ATP8A1: variants seen among roughly 807,000 people sequenced by gnomAD.
The protein encoded by ATP8A1 is phospholipid-transporting ATPase IA.
Under a neutral mutation model 177.7 loss-of-function variants are expected in ATP8A1, and 90 were observed. The ratio of observed to expected loss-of-function variants is 0.51; its 90% CI spans 0.43 to 0.60. ATP8A1 has a LOEUF of 0.60. ATP8A1 is among the 20% of genes least tolerant of loss of function. ATP8A1 has a pLI of 0.00. For synonymous variants in ATP8A1, 493 were observed against 485.9 expected, an observed-to-expected ratio of 1.01 and a Z score of -0.19; for missense variants, 1,072 against 1,392.8, an observed-to-expected ratio of 0.77 and a Z score of 3.67.
intron 30 of ATP8A1, among the ~76,000 whole-genome samples, chr4:42,450,979 C>CG (rs1717870631): frequency 6.6e-6 from 1 of 152,078 alleles, no homozygotes; most frequent in Non-Finnish European, 1.5e-5. Flanking sequence ...ACAGGATGAT[C>CG]GGGGAAGGCT....
At chr4:42,419,806 A>C (rs2153166932) in intron 35 of ATP8A1, among the ~76,000 whole-genome samples, 1 of 152,270 alleles carries the variant, frequency 6.6e-6, no homozygotes, top group Admixed American at 6.5e-5. Flanking sequence ...GTTCGAGACC[A>C]GTCTGGCCAA....
At chr4:42,569,399 G>T (rs1365837126) in intron 14 of ATP8A1, among the ~76,000 whole-genome samples, 194 bp from the exon 15 acceptor site, 1 of 152,152 alleles carries the variant, frequency 6.6e-6, no homozygotes, top group Admixed American at 6.6e-5. Context: ...AGCTCAGCAG[G>T]TTTACAAAGT....
At chr4:42,650,591 C>G (rs1004300691) in intron 1 of ATP8A1, among the ~76,000 whole-genome samples, 1 of 152,192 alleles carries the variant, frequency 6.6e-6, no homozygotes, top group African/African-American at 2.4e-5. Flanking sequence ...ATAAAACATA[C>G]TATTCTACAT....
chr4:42,540,936 C>CT (rs949350854), intron 20 of ATP8A1, among the ~76,000 whole-genome samples: 51 of 152,176 alleles, frequency 3.4e-4, no homozygotes, highest in African/African-American at 1.2e-3. Context: ...GATGGACACT[C>CT]TAAGTATCCT....
At chr4:42,461,386 A>G (rs1342312951) in intron 27 of ATP8A1, among the ~76,000 whole-genome samples, 1 of 151,820 alleles carries the variant, frequency 6.6e-6, no homozygotes, top group East Asian at 1.9e-4. Context: ...GAGGTAATTG[A>G]GTCATGGGGC....
At chr4:42,570,008 G>T (rs1292276163) in intron 14 of ATP8A1, among the ~76,000 whole-genome samples, 2 of 152,008 alleles carry the variant, frequency 1.3e-5, no homozygotes, top group Admixed American at 1.3e-4. Flanking sequence ...TATTAGACAT[G>T]GAGTTTTAAA....
intron 1 of ATP8A1, among the ~76,000 whole-genome samples, chr4:42,642,198 C>G (rs1335962747): frequency 6.6e-6 from 1 of 152,194 alleles, no homozygotes; most frequent in Non-Finnish European, 1.5e-5. Flanking sequence ...GTTGATAACA[C>G]AATGCCACAA....
At chr4:42,438,035 G>A (rs1012676612) in intron 33 of ATP8A1, among the ~76,000 whole-genome samples, 1 of 148,768 alleles carries the variant, frequency 6.7e-6, no homozygotes, top group Non-Finnish European at 1.5e-5. Context: ...TAAGTACTTC[G>A]ATGGGTGGCA....
In ATP8A1 at chr4:42,452,020, C is replaced by G; in HGVS notation, c.2857G>C (p.Val953Leu). ...VHCLNGLFHS[V>L]ILFWFPLKAL... ...TTTAGTGGAAACCAAAACAGAATAACTGAGTGGAAGAGGCCATTTAAACAA... is the reference window on the plus strand; with the variant it reads ...TTTAGTGGAAACCAAAACAGAATAAGTGAGTGGAAGAGGCCATTTAAACAA... The change falls in exon 30 of 37, where the codon GTT (valine) becomes CTT (leucine). Residue 953 changes from valine (V) to leucine (L), a missense_variant. Physicochemically the swap from Val to Leu is conservative, Grantham distance 32 (BLOSUM62 1). Transcript: ENST00000381668. The G allele has an allele frequency of 1.9e-6, 3 of 1,613,148 alleles. No individual in the cohort carries two copies. The highest frequency in any genetic ancestry group is 2.5e-6 in the Non-Finnish European group (3 of 1,179,480).
chr4:42,449,892 T>G (rs1185241476), intron 30 of ATP8A1, among the ~76,000 whole-genome samples: 1 of 152,250 alleles, frequency 6.6e-6, no homozygotes, highest in Non-Finnish European at 1.5e-5. Context: ...GTGTTTTGGA[T>G]GCTATCTGGT....
intron 19 of ATP8A1, 49 bp from the exon 20 acceptor site, chr4:42,544,035 A>G (rs114457310): frequency 2.1e-6 from 3 of 1,440,252 alleles, no homozygotes; most frequent in Non-Finnish European, 2.9e-6. Context: ...AAGGATATGC[A>G]TGTATGTGTT....
At chr4:42,573,481 T>A (rs1732108510) in intron 14 of ATP8A1, among the ~76,000 whole-genome samples, 1 of 152,074 alleles carries the variant, frequency 6.6e-6, no homozygotes, top group African/African-American at 2.4e-5. Context: ...AATTAGAACA[T>A]CTTCAGATAA....
intron 1 of ATP8A1, among the ~76,000 whole-genome samples, chr4:42,651,451 G>T (rs1436078360): frequency 2.0e-5 from 3 of 152,150 alleles, no homozygotes; most frequent in African/African-American, 7.2e-5. Flanking sequence ...TGCTGATAAT[G>T]ATACAATGAA....
rs1334523196 is a variant in ATP8A1, at chr4:42,451,870, G to A, written c.2896+111C>T. On this transcript the variant is annotated intron_variant, in intron 30 of 36. Coordinates refer to ENST00000381668, the MANE Select transcript of ATP8A1 (RefSeq NM_006095.2). The stretch of plus-strand genomic sequence containing the variant: ...TTTGGGTGCATGCATTTTAGGTTAA[G>A]AGAAATATCATACAATGAAACTGCT... 3 of 737,660 alleles carry A rather than the reference G, an allele frequency of 4.1e-6. No homozygotes were observed. In the East Asian group the frequency reaches 9.0e-5, roughly 22 times the overall value. 45.7% of individuals were successfully genotyped at this position (737,660 alleles called of 1,614,324 possible). A position where few individuals can be genotyped will look rare whatever the true frequency, so the allele number is the denominator to read the frequency against.
chr4:42,524,928 G>A, intron 20 of ATP8A1, 81 bp from the exon 21 acceptor site: 2 of 804,444 alleles, frequency 2.5e-6, no homozygotes, highest in Non-Finnish European at 4.0e-6. Flanking sequence ...AATAGCAGTA[G>A]GAAATCAGTG....
intron 25 of ATP8A1, among the ~76,000 whole-genome samples, chr4:42,481,799 A>G (rs1677364497): frequency 6.6e-6 from 1 of 152,304 alleles, no homozygotes; most frequent in African/African-American, 2.4e-5. Flanking sequence ...ATGGTCTATA[A>G]CTTTCATTTA....
At chr4:42,445,525 A>G (rs1577946192) in intron 31 of ATP8A1, among the ~76,000 whole-genome samples, 1 of 152,142 alleles carries the variant, frequency 6.6e-6, no homozygotes, top group Admixed American at 6.5e-5. Flanking sequence ...AACCCTAGGC[A>G]CCTTTGATAG....
intron 1 of ATP8A1, among the ~76,000 whole-genome samples, chr4:42,653,049 C>T (rs984672302): frequency 1.3e-5 from 2 of 150,608 alleles, no homozygotes; most frequent in African/African-American, 4.9e-5. Flanking sequence ...AGCCTAAGAG[C>T]GGACTAACAC....
intron 25 of ATP8A1, chr4:42,472,325 A>G (rs554882109): frequency 1.8e-5 from 9 of 493,238 alleles, no homozygotes; most frequent in Admixed American, 1.7e-4. Flanking sequence ...TCTGGTGTCT[A>G]TAAGCAGCTC....
Sources: allele counts gnomAD v4.1 joint callset (sites outside exome capture counted in the v4.1 genomes callset), GRCh38; gene constraint gnomAD v4.1.1; transcripts MANE v1.5; gene names NCBI Gene and HGNC (gene_info 2026-07-23, HGNC 2026-07-21).